PSD3: variants seen among roughly 807,000 people sequenced by gnomAD.
PSD3 encodes the protein PH and SEC7 domain-containing protein 3.
PSD3 carries 49 observed loss-of-function variants against 105.5 expected under a neutral mutation model. The observed-to-expected ratio is 0.46, with a 90% CI of 0.37 to 0.59. The LOEUF (loss-of-function observed/expected upper bound fraction) is 0.59. Among genes scored for constraint, PSD3 ranks in the 20% least tolerant of loss-of-function variants. The pLI, the probability that PSD3 is intolerant of heterozygous loss-of-function variation, is 0.00. For synonymous variants in PSD3, 557 were observed against 457.8 expected, an observed-to-expected ratio of 1.22 and a Z score of -2.77; for missense variants, 1,561 against 1,263.8, an observed-to-expected ratio of 1.24 and a Z score of -3.57.
intron 13 of PSD3, among the ~76,000 whole-genome samples, chr8:18,574,175 A>G (rs1802335473): frequency 1.3e-5 from 2 of 152,200 alleles, no homozygotes; most frequent in South Asian, 4.1e-4. Context: ...AAAGTCAGCC[A>G]AAGTCATTTC....
intron 9 of PSD3, among the ~76,000 whole-genome samples, chr8:18,657,535 C>T (rs1808991044): frequency 6.6e-6 from 1 of 152,110 alleles, no homozygotes; most frequent in Non-Finnish European, 1.5e-5. Context: ...ACGGAGTATA[C>T]TGAGGCACAA....
At chr8:18,684,345 T>C (rs2130964059) in intron 9 of PSD3, among the ~76,000 whole-genome samples, 1 of 152,174 alleles carries the variant, frequency 6.6e-6, no homozygotes, top group East Asian at 1.9e-4. Context: ...TTGTGATATT[T>C]GTGAAGTAAG....
At chr8:18,907,898 A>G (rs73666748) in intron 2 of PSD3, among the ~76,000 whole-genome samples, 1 of 152,330 alleles carries the variant, frequency 6.6e-6, no homozygotes, top group African/African-American at 2.4e-5. Flanking sequence ...ATGTATTGCT[A>G]AGCTGGATTT....
At chr8:18,589,719 A>G (rs1334294428) in intron 12 of PSD3, among the ~76,000 whole-genome samples, 2 of 152,228 alleles carry the variant, frequency 1.3e-5, no homozygotes, top group East Asian at 1.9e-4. Flanking sequence ...GGCAAGAAGC[A>G]GCCCTGAAAT....
At position 18,872,023 on chromosome 8, in the gene PSD3, G is replaced by A. The variant is rs1586287106; in HGVS notation, c.841C>T (p.Pro281Ser). The part of the protein sequence containing the change: ...EQRSALGREH[P>S]GGCDRSSSMG... ...GAGCTGCTTCGATCACATCCCCCTG[G>A]GTGCTCTCTCCCAAGAGCAGACCTC... The change falls in exon 3 of 16, where the codon CCA (proline) becomes TCA (serine). Residue 281 changes from proline to serine, a missense_variant. Pro to Ser is a moderately conservative substitution (Grantham distance 74). Coordinates refer to ENST00000327040, the MANE Select transcript of PSD3 (RefSeq NM_015310.4). 2 of 1,613,976 alleles carry A rather than the reference G, an allele frequency of 1.2e-6. No individual in the cohort carries two copies. Among genetic ancestry groups the A allele is most frequent in the African/African-American group, 2.7e-5 (2 of 74,892 alleles).
chr8:18,587,461 C>G lies in PSD3; in HGVS notation c.2482-12176G>C, dbSNP rs147227174. 1.4e-3 allele frequency among the ~76,000 whole-genome samples: 218 copies of G among 152,278 alleles called. 2 individuals are homozygous for G. Among genetic ancestry groups the G allele is most frequent in the African/African-American group, 5.1e-3 (210 of 41,550 alleles). On this transcript the variant is annotated intron_variant, in intron 12 of 15. Coordinates refer to ENST00000327040, the MANE Select transcript of PSD3 (RefSeq NM_015310.4). The stretch of plus-strand genomic sequence containing the variant: ...CTTTCTACTGCTTGCTACTCCCCCT[C>G]CAGCCTATAATGCAAATGTAAAAAG...
At chr8:18,929,290 T>C (rs1424063412) in intron 2 of PSD3, among the ~76,000 whole-genome samples, 1 of 149,798 alleles carries the variant, frequency 6.7e-6, no homozygotes, top group South Asian at 2.1e-4. Context: ...AAAATAACCA[T>C]AGACAGAAGT....
At chr8:18,612,246 T>C (rs187296446) in intron 11 of PSD3, among the ~76,000 whole-genome samples, 1 of 152,346 alleles carries the variant, frequency 6.6e-6, no homozygotes, top group African/African-American at 2.4e-5. Context: ...TTTCCCAGAT[T>C]CTTGCTTGAA....
chr8:18,665,308 T>C (rs1031386256), intron 9 of PSD3, among the ~76,000 whole-genome samples: 2 of 152,216 alleles, frequency 1.3e-5, no homozygotes, highest in Non-Finnish European at 2.9e-5. Context: ...AGAAGTTGAT[T>C]CCAACCCTCA....
intron 4 of PSD3, among the ~76,000 whole-genome samples, chr8:18,852,672 G>T (rs1586226594): frequency 6.6e-6 from 1 of 152,214 alleles, no homozygotes; most frequent in Admixed American, 6.5e-5. Context: ...ACTGAGACGA[G>T]AACAGAGGTG....
chr8:18,924,288 T>C (rs1821223755), intron 2 of PSD3, among the ~76,000 whole-genome samples: 1 of 152,164 alleles, frequency 6.6e-6, no homozygotes, highest in African/African-American at 2.4e-5. Context: ...ATGGAGAACA[T>C]ATGGTCAGTT....
chr8:18,818,689 C>CT (rs914512617), intron 4 of PSD3, among the ~76,000 whole-genome samples: 1 of 151,968 alleles, frequency 6.6e-6, no homozygotes, highest in Non-Finnish European at 1.5e-5. Flanking sequence ...CCATACCCCC[C>CT]CCAACAACCA....
upstream of PSD3, chr8:19,013,725 A>C: frequency 1.5e-6 from 1 of 652,068 alleles, no homozygotes; most frequent in Non-Finnish European, 2.0e-6. Context: ...GCCCGCGCGC[A>C]CCCTGGCGGA....
chr8:18,780,357 T>C (rs1285463307), intron 8 of PSD3, among the ~76,000 whole-genome samples: 1 of 152,142 alleles, frequency 6.6e-6, no homozygotes, highest in Non-Finnish European at 1.5e-5. Context: ...CATTTTTTTT[T>C]TGTTTTTCTA....
chr8:18,586,473 T>A (rs185478235), intron 12 of PSD3, among the ~76,000 whole-genome samples: 496 of 152,308 alleles, frequency 3.3e-3, no homozygotes, highest in Non-Finnish European at 5.1e-3. Context: ...GAAGTCTTGA[T>A]GAAAGGCTTA....
intron 2 of PSD3, among the ~76,000 whole-genome samples, chr8:18,899,426 C>T (rs1457838448): frequency 2.0e-5 from 3 of 152,124 alleles, no homozygotes; most frequent in Admixed American, 6.6e-5. Flanking sequence ...ACAGCTTTTC[C>T]TTTAACAATG....
At chr8:18,580,431 G>C (rs1802738610) in intron 12 of PSD3, among the ~76,000 whole-genome samples, 1 of 151,974 alleles carries the variant, frequency 6.6e-6, no homozygotes, top group South Asian at 2.1e-4. Flanking sequence ...AAACCAAAAA[G>C]TTTAATTCCA....
chr8:18,660,970 C>T (rs1046388202), intron 9 of PSD3, among the ~76,000 whole-genome samples: 1 of 152,198 alleles, frequency 6.6e-6, no homozygotes, highest in Admixed American at 6.5e-5. Flanking sequence ...TTGTTCCTCA[C>T]TTTTGGTTGC....
chr8:19,041,682 A>G (rs955495248), intron 1 of PSD3, among the ~76,000 whole-genome samples: 20 of 152,358 alleles, frequency 1.3e-4, no homozygotes, highest in Non-Finnish European at 2.2e-4. Context: ...ACATTGGACT[A>G]CGCCCAGGCA....
Sources: gnomAD v4.1 joint callset for allele counts (sites outside exome capture counted in the v4.1 genomes callset) on GRCh38, gnomAD v4.1.1 for gene constraint, MANE v1.5 for transcripts, NCBI Gene and HGNC (gene_info 2026-07-23, HGNC 2026-07-21) for gene names.